The following SCCPDH variants were observed in gnomAD, a reference collection of about 807,000 sequenced individuals.
SCCPDH encodes the protein saccharopine dehydrogenase (putative), also known as saccharopine dehydrogenase-like oxidoreductase.
A neutral mutation model predicts 51.5 loss-of-function variants in SCCPDH; 34 were observed. That is an observed-to-expected ratio of 0.66 (90% confidence interval 0.50 to 0.88). SCCPDH has a LOEUF of 0.88. Among genes scored for constraint, SCCPDH ranks in the 40% least tolerant of loss-of-function variants. SCCPDH has a pLI of 0.00. For synonymous variants in SCCPDH, 187 were observed against 191.3 expected, an observed-to-expected ratio of 0.98 and a Z score of 0.19; for missense variants, 464 against 527.1, an observed-to-expected ratio of 0.88 and a Z score of 1.17.
intron 5 of SCCPDH, among the ~76,000 whole-genome samples, chr1:246,753,119 T>G (rs536547993): frequency 5.9e-4 from 89 of 151,864 alleles, no homozygotes; most frequent in African/African-American, 2.0e-3. Context: ...TCCTCTAGGA[T>G]TTTTTTTCTC....
intron 2 of SCCPDH, among the ~76,000 whole-genome samples, chr1:246,729,524 C>G (rs3007319): frequency 6.6e-6 from 1 of 152,192 alleles, no homozygotes; most frequent in Non-Finnish European, 1.5e-5. Context: ...TCTGCCCAGT[C>G]GCGCAGGCAG....
At chr1:246,732,787 C>G (rs1467897994) in intron 2 of SCCPDH, among the ~76,000 whole-genome samples, 1 of 152,114 alleles carries the variant, frequency 6.6e-6, no homozygotes, top group Admixed American at 6.5e-5. Flanking sequence ...ACACTAAGCT[C>G]TTTGTATTCT....
chr1:246,744,476 G>A (rs1019679334), intron 5 of SCCPDH, among the ~76,000 whole-genome samples: 5 of 151,672 alleles, frequency 3.3e-5, no homozygotes, highest in South Asian at 2.1e-4. Flanking sequence ...GTACCACCAC[G>A]CCCGGCTATT....
rs7779 is a variant in SCCPDH at position 246,767,262 on chromosome 1, G to A, written c.1252G>A (p.Gly418Ser). The part of the protein sequence containing the change: ...TKLIDRLNKH[G>S]IEFSVISSSE... ...GTTGATTGACAGACTCAACAAACAC[G>A]GTATTGAGTTTAGTGTTATTAGCAG... The change falls in exon 12 of 12, where the codon GGT (glycine) becomes AGT (serine). Residue 418 changes from glycine to serine, a missense_variant. Gly to Ser is a moderately conservative substitution (Grantham distance 56). Transcript: ENST00000366510. 177 of 1,609,426 alleles carry A rather than the reference G, an allele frequency of 1.1e-4. No individual in the cohort carries two copies. Among genetic ancestry groups the A allele is most frequent in the Non-Finnish European group, 1.4e-4 (170 of 1,177,386 alleles).
intron 3 of SCCPDH, among the ~76,000 whole-genome samples, chr1:246,736,439 C>T (rs556549177): frequency 6.6e-6 from 1 of 152,318 alleles, no homozygotes; most frequent in South Asian, 2.1e-4. Flanking sequence ...CGGTGGCTCA[C>T]ACCTGCACTC....
chr1:246,758,313 A>G lies in SCCPDH; in HGVS notation c.652A>G (p.Asn218Asp), dbSNP rs774649151. 5 of 1,611,346 alleles carry G rather than the reference A, an allele frequency of 3.1e-6. No individual in the cohort carries two copies. The highest frequency in any genetic ancestry group is 1.3e-5 in the African/African-American group (1 of 74,832). The change falls in exon 6 of 12, where the codon AAT (asparagine) becomes GAT (aspartate). Residue 218 changes from asparagine to aspartate, a missense_variant. Transcript: ENST00000366510. Reference protein sequence around the residue: ...SNLRKLRNVSNLKPVPLIGPK... With the variant: ...SNLRKLRNVSDLKPVPLIGPK... ...TTTGAGAAAACTAAGAAATGTATCA[A>G]ATCTGAAACCTGTCCCGCTCATTGG...
intron 5 of SCCPDH, among the ~76,000 whole-genome samples, chr1:246,751,596 T>C (rs1668851120): frequency 6.6e-6 from 1 of 152,238 alleles, no homozygotes; most frequent in Non-Finnish European, 1.5e-5. Context: ...TAATTACTTT[T>C]CAATTATATG....
chr1:246,764,729 A>G (rs559495880), intron 10 of SCCPDH, among the ~76,000 whole-genome samples: 2 of 152,378 alleles, frequency 1.3e-5, no homozygotes, highest in South Asian at 4.1e-4. Flanking sequence ...GAACACCCTG[A>G]CATTGTTTGT....
At chr1:246,743,149 G>C (rs1431964285) in intron 4 of SCCPDH, among the ~76,000 whole-genome samples, 1 of 152,008 alleles carries the variant, frequency 6.6e-6, no homozygotes. Context: ...ACCTAGGCTG[G>C]AGTGCAGTGG....
At chr1:246,763,595 A>G (rs1456452291) in intron 9 of SCCPDH, among the ~76,000 whole-genome samples, 1 of 152,082 alleles carries the variant, frequency 6.6e-6, no homozygotes, top group Non-Finnish European at 1.5e-5. Context: ...CCTCTGAGTT[A>G]TGCCTGTATG....
At position 246,724,619 on chromosome 1, in the gene SCCPDH, C is replaced by CGGCGG. The variant is rs1446687350; in HGVS notation, c.190+14_190+18dup. The CGGCGG allele has an allele frequency of 3.4e-6, 5 of 1,477,834 alleles. No individual in the cohort carries two copies. The highest frequency in any genetic ancestry group is 3.0e-5 in the African/African-American group (2 of 67,754). The allele number at this position is 1,477,834 out of a possible 1,614,324, so 91.5% of individuals were successfully genotyped here. On this transcript the variant is annotated splice_region_variant and intron_variant, in intron 1 of 11. Coordinates refer to ENST00000366510, the MANE Select transcript of SCCPDH (RefSeq NM_016002.3). ...AAGGCGGCCCTGAAGCTGGGTACAG[C>CGGCGG]GGCGGGGCGGGACGGGGCTGCGCGG... is the stretch of plus-strand genomic sequence containing the variant.
At chr1:246,753,300 T>G (rs1403666516) in intron 5 of SCCPDH, among the ~76,000 whole-genome samples, 1 of 152,194 alleles carries the variant, frequency 6.6e-6, no homozygotes, top group Non-Finnish European at 1.5e-5. Flanking sequence ...CTTTTTGGGC[T>G]TCTCTTAGAA....
At chr1:246,736,989 TAGA>T (rs895663198) in intron 3 of SCCPDH, among the ~76,000 whole-genome samples, 3 of 152,118 alleles carry the variant, frequency 2.0e-5, no homozygotes, top group Non-Finnish European at 2.9e-5. Flanking sequence ...ACCTAGTAAG[TAGA>T]AGAACTAGGT....
At chr1:246,730,490 A>C (rs895603741) in intron 2 of SCCPDH, among the ~76,000 whole-genome samples, 238 of 152,306 alleles carry the variant, frequency 1.6e-3, no homozygotes, top group African/African-American at 5.6e-3. Flanking sequence ...AAAACGACTG[A>C]ATGAATGAAG....
intron 10 of SCCPDH, among the ~76,000 whole-genome samples, chr1:246,764,608 G>A (rs1159954519): frequency 1.3e-5 from 2 of 152,172 alleles, no homozygotes; most frequent in African/African-American, 2.4e-5. Flanking sequence ...ATTTTAATTA[G>A]TATTAATAGG....
chr1:246,724,539 C>G lies in SCCPDH; in HGVS notation c.117C>G (p.Arg39=). Residue 39 remains arginine, a synonymous_variant, in exon 1 of 12, where the codon CGC becomes CGG. Transcript: ENST00000366510. ...REQVDPERSS[R]LPWAVAGRSR... ...AGGTGGACCCGGAGCGGAGCTCCCG[C>G]CTGCCCTGGGCCGTGGCGGGCCGCT... The G allele has an allele frequency of 6.4e-7, 1 of 1,552,342 alleles. No individual in the cohort carries two copies. Among genetic ancestry groups the G allele is most frequent in the Non-Finnish European group, 8.7e-7 (1 of 1,151,518 alleles).
chr1:246,738,129 G>A (rs1668625229), intron 3 of SCCPDH, among the ~76,000 whole-genome samples: 1 of 152,118 alleles, frequency 6.6e-6, no homozygotes, highest in African/African-American at 2.4e-5. Context: ...CCAGGAGTTG[G>A]AGGTTGCAGT....
At position 246,764,307 on chromosome 1, in the gene SCCPDH, C is replaced by CA; in HGVS notation, c.1053dup (p.Asp352ArgfsTer2). On this transcript the variant is annotated frameshift_variant, in exon 10 of 12. Coordinates refer to ENST00000366510, the MANE Select transcript of SCCPDH (RefSeq NM_016002.3). LOFTEE classifies it high-confidence loss of function. ...CAAGGATACAGCCAAGGCACTGGTACAGATAAGAACAAACCAAATATCAAA... is the reference window on the plus strand; with the variant it reads ...CAAGGATACAGCCAAGGCACTGGTACAAGATAAGAACAAACCAAATATCAAA... 1 of 1,613,706 alleles carries CA rather than the reference C, an allele frequency of 6.2e-7. No individual in the cohort carries two copies. The highest frequency in any genetic ancestry group is 8.5e-7 in the Non-Finnish European group (1 of 1,179,804).
intron 2 of SCCPDH, among the ~76,000 whole-genome samples, chr1:246,727,478 G>C (rs1192693135): frequency 6.6e-6 from 1 of 152,168 alleles, no homozygotes; most frequent in Non-Finnish European, 1.5e-5. Flanking sequence ...GGGACACAAT[G>C]GTGAACAAAA....
Sources: gnomAD v4.1 joint callset for allele counts (sites outside exome capture counted in the v4.1 genomes callset) on GRCh38, gnomAD v4.1.1 for gene constraint, MANE v1.5 for transcripts, NCBI Gene and HGNC (gene_info 2026-07-23, HGNC 2026-07-21) for gene names.